Variants in SNTG2 observed in about 807,000 individuals in gnomAD.
SNTG2 encodes syntrophin gamma 2.
SNTG2 carries 74 observed loss-of-function variants against 70.9 expected under a neutral mutation model. The ratio of observed to expected loss-of-function variants is 1.04; its 90% CI spans 0.86 to 1.27. The LOEUF (loss-of-function observed/expected upper bound fraction) is 1.27. Ranked by LOEUF, SNTG2 falls within the 50% of genes most tolerant of loss-of-function variation. The pLI is 0.00. For missense variants in SNTG2, 717 were observed against 690.7 expected (o/e 1.04, Z -0.43); for synonymous variants, 278 against 273.8 (o/e 1.02, Z -0.15).
chr2:1,175,313 A>G (rs28425536), intron 8 of SNTG2, among the ~76,000 whole-genome samples: 2,182 of 152,302 alleles, frequency 0.014, 56 homozygotes, highest in African/African-American at 0.05. Context: ...ATCAATGGCA[A>G]TATCACACTA....
At chr2:1,143,971 A>G (rs1409437156) in intron 6 of SNTG2, among the ~76,000 whole-genome samples, 3 of 151,256 alleles carry the variant, frequency 2.0e-5, no homozygotes, top group East Asian at 4.0e-4. Context: ...ATTTATTGCA[A>G]TTCTCATGAA....
chr2:1,015,769 TAGA>T (rs1011246400), intron 1 of SNTG2, among the ~76,000 whole-genome samples: 17 of 152,246 alleles, frequency 1.1e-4, no homozygotes, highest in Non-Finnish European at 2.9e-5. Context: ...ATCAGTTCTC[TAGA>T]AGAATTGAAG....
chr2:1,176,700 A>G (rs1174053124), intron 8 of SNTG2, among the ~76,000 whole-genome samples: 1 of 152,148 alleles, frequency 6.6e-6, no homozygotes, highest in Admixed American at 6.5e-5. Flanking sequence ...GATACTTCTC[A>G]AAAGAAGACA....
At chr2:1,238,110 C>G (rs1558580523) in intron 10 of SNTG2, 93 bp downstream of exon 10, 3 of 1,436,644 alleles carry the variant, frequency 2.1e-6, no homozygotes, top group African/African-American at 2.8e-5. Flanking sequence ...ATGATTAACC[C>G]GAAACAGAAA....
chr2:1,068,731 A>G (rs1235932320), intron 1 of SNTG2, among the ~76,000 whole-genome samples: 1 of 152,260 alleles, frequency 6.6e-6, no homozygotes, highest in Non-Finnish European at 1.5e-5. Context: ...GAAGAAACAC[A>G]TAGCACAGAA....
At chr2:1,366,637 C>T (rs1207896343) in intron 16 of SNTG2, among the ~76,000 whole-genome samples, 1 of 152,194 alleles carries the variant, frequency 6.6e-6, no homozygotes, top group Admixed American at 6.5e-5. Context: ...GCCATGGGGA[C>T]AGGGTGGGTG....
intron 15 of SNTG2, among the ~76,000 whole-genome samples, chr2:1,310,988 T>A (rs936748604): frequency 6.6e-6 from 1 of 152,208 alleles, no homozygotes; most frequent in Non-Finnish European, 1.5e-5. Context: ...CTGGAGTGCC[T>A]CCTTTTGCTT....
At chr2:1,315,327 A>G (rs932152425) in intron 15 of SNTG2, among the ~76,000 whole-genome samples, 10 of 152,252 alleles carry the variant, frequency 6.6e-5, no homozygotes, top group Non-Finnish European at 1.2e-4. Context: ...TGGGCGGGAA[A>G]TAAACCCGTC....
At chr2:1,331,461 T>C (rs1659524562) in intron 16 of SNTG2, among the ~76,000 whole-genome samples, 1 of 152,192 alleles carries the variant, frequency 6.6e-6, no homozygotes. Context: ...GGGTGGGGAA[T>C]GTAGGAAATA....
chr2:1,144,701 GTC>G (rs1244628507), intron 6 of SNTG2, among the ~76,000 whole-genome samples: 1 of 152,146 alleles, frequency 6.6e-6, no homozygotes, highest in Non-Finnish European at 1.5e-5. Context: ...TTATAAAACT[GTC>G]AGATCTCATG....
intron 8 of SNTG2, among the ~76,000 whole-genome samples, chr2:1,208,795 A>C (rs930570445): frequency 6.6e-6 from 1 of 152,222 alleles, no homozygotes; most frequent in East Asian, 1.9e-4. Flanking sequence ...CACGGTCTCT[A>C]TGCACTGAGC....
chr2:1,319,649 A>G (rs1681434996), intron 16 of SNTG2, among the ~76,000 whole-genome samples: 1 of 152,204 alleles, frequency 6.6e-6, no homozygotes, highest in African/African-American at 2.4e-5. Flanking sequence ...CAGCTTACAC[A>G]GGAAGAAGAG....
intron 1 of SNTG2, among the ~76,000 whole-genome samples, chr2:954,790 G>C (rs557916786): frequency 6.6e-6 from 1 of 152,278 alleles, no homozygotes; most frequent in Non-Finnish European, 1.5e-5. Flanking sequence ...GGACCGTGCT[G>C]CTTCTTCACC....
chr2:1,189,369 A>C (rs1672436726), intron 8 of SNTG2, among the ~76,000 whole-genome samples: 1 of 142,514 alleles, frequency 7.0e-6, no homozygotes, highest in South Asian at 2.3e-4. Context: ...TGTAGAAATT[A>C]ACAAGACAGT....
chr2:1,277,032 G>C (rs1248944953), intron 14 of SNTG2, among the ~76,000 whole-genome samples: 1 of 152,220 alleles, frequency 6.6e-6, no homozygotes, highest in Middle Eastern at 3.2e-3. Context: ...AACAGATGAG[G>C]AGTTACTCTT....
intron 1 of SNTG2, among the ~76,000 whole-genome samples, chr2:1,022,768 T>C (rs1660263720): frequency 2.0e-5 from 3 of 152,200 alleles, no homozygotes; most frequent in Non-Finnish European, 4.4e-5. Flanking sequence ...ATAGTGAATT[T>C]TCCCTCTGTC....
intron 1 of SNTG2, among the ~76,000 whole-genome samples, chr2:1,048,142 C>T (rs148476908): frequency 2.6e-5 from 4 of 152,150 alleles, no homozygotes; most frequent in East Asian, 1.9e-4. Context: ...CATAGTCATT[C>T]GCATTGTCTC....
chr2:1,277,326 G>A (rs1057490830), intron 14 of SNTG2, among the ~76,000 whole-genome samples: 11 of 152,086 alleles, frequency 7.2e-5, no homozygotes, highest in Non-Finnish European at 1.0e-4. Flanking sequence ...TACCACAGCC[G>A]CTCCAACCTT....
chr2:1,238,014 G>T lies in SNTG2; in HGVS notation c.846G>T (p.Gln282His), dbSNP rs748867904. 110 of 1,609,284 alleles carry T rather than the reference G, an allele frequency of 6.8e-5. No individual in the cohort carries two copies. The highest frequency in any genetic ancestry group is 3.4e-4 in the Admixed American group (20 of 59,596). ...CCAACATCAGGGAGCTGACACTTCAGAACGTGAGCACACGGTGTTTCTGAG... is the reference window on the plus strand; with the variant it reads ...CCAACATCAGGGAGCTGACACTTCATAACGTGAGCACACGGTGTTTCTGAG... ...VSANIRELTL[Q>H]NMKMANKCCS... Residue 282 changes from glutamine to histidine, a missense_variant, in exon 10 of 17, where the codon CAG becomes CAT. Coordinates refer to ENST00000308624, the MANE Select transcript of SNTG2 (RefSeq NM_018968.4).
Sources: allele counts gnomAD v4.1 joint callset (sites outside exome capture counted in the v4.1 genomes callset), GRCh38; gene constraint gnomAD v4.1.1; transcripts MANE v1.5; gene names NCBI Gene and HGNC (gene_info 2026-07-23, HGNC 2026-07-21).